The following ADGRG6 variants were observed in gnomAD, a reference collection of about 807,000 sequenced individuals.
The protein encoded by ADGRG6 is adhesion G protein-coupled receptor G6, also known as G-protein coupled receptor 126.
A neutral mutation model predicts 142.4 loss-of-function variants in ADGRG6; 84 were observed. That is an observed-to-expected ratio of 0.59 (90% CI 0.49 to 0.71). The LOEUF (loss-of-function observed/expected upper bound fraction) is 0.71. Ranked by LOEUF, ADGRG6 falls within the 30% of genes least tolerant of loss-of-function variation. ADGRG6 has a pLI of 0.00. For synonymous variants in ADGRG6, 521 were observed against 520.5 expected, an observed-to-expected ratio of 1.00 and a Z score of -0.01; for missense variants, 1,367 against 1,466.6, an observed-to-expected ratio of 0.93 and a Z score of 1.11.
At chr6:142,393,619 T>G (rs1174807100) in intron 8 of ADGRG6, among the ~76,000 whole-genome samples, 1 of 152,192 alleles carries the variant, frequency 6.6e-6, no homozygotes, top group Non-Finnish European at 1.5e-5. Context: ...AATTGTCATA[T>G]AAGTTCAGGA....
At chr6:142,420,507 A>G (rs371807308) in intron 22 of ADGRG6, among the ~76,000 whole-genome samples, 1 of 152,308 alleles carries the variant, frequency 6.6e-6, no homozygotes, top group African/African-American at 2.4e-5. Flanking sequence ...TGTCCCCTGA[A>G]GATTTACCGT....
intron 2 of ADGRG6, among the ~76,000 whole-genome samples, chr6:142,357,430 TA>T (rs1317751144): frequency 6.6e-6 from 1 of 152,164 alleles, no homozygotes; most frequent in Non-Finnish European, 1.5e-5. Context: ...AAACATTATT[TA>T]AAAAAATCTG....
Position 142,443,447 on chromosome 6 carries a change from G to A in ADGRG6, c.3685G>A (p.Ala1229Thr). ...VIDKVKGYCN[A>T]HSDNFYKNII... ...TGATAAGGTCAAGGGTTATTGCAAT[G>A]CTCATTCAGACAACTTCTATAAAAA... Residue 1229 changes from alanine to threonine, a missense_variant, in exon 25 of 25, where the codon GCT becomes ACT. Transcript: ENST00000367609. 1.2e-6 allele frequency: 2 copies of A among 1,611,330 alleles called. No homozygotes were observed. The highest frequency in any genetic ancestry group is 1.7e-6 in the Non-Finnish European group (2 of 1,177,764).
intron 2 of ADGRG6, among the ~76,000 whole-genome samples, chr6:142,328,488 C>T (rs1426302439): frequency 6.6e-6 from 1 of 152,186 alleles, no homozygotes; most frequent in Non-Finnish European, 1.5e-5. Flanking sequence ...AGGTGTGAGC[C>T]ACTGGGCTGA....
At chr6:142,348,698 T>G (rs1031215561) in intron 2 of ADGRG6, among the ~76,000 whole-genome samples, 1 of 152,008 alleles carries the variant, frequency 6.6e-6, no homozygotes, top group African/African-American at 2.4e-5. Flanking sequence ...ATGTTAAATC[T>G]TAATGGGAAT....
At chr6:142,371,279 C>T (rs1225369940) in intron 4 of ADGRG6, among the ~76,000 whole-genome samples, 3 of 151,324 alleles carry the variant, frequency 2.0e-5, no homozygotes, top group Admixed American at 6.6e-5. Flanking sequence ...TCTCATGCCT[C>T]AGCCTCCCAA....
intron 24 of ADGRG6, among the ~76,000 whole-genome samples, chr6:142,440,359 C>T (rs960539376): frequency 4.6e-5 from 7 of 151,918 alleles, no homozygotes; most frequent in East Asian, 1.9e-4. Context: ...GGCACACTCA[C>T]GGTAGAGGCT....
chr6:142,304,695 A>AT (rs1233680627), intron 1 of ADGRG6, among the ~76,000 whole-genome samples: 1 of 152,222 alleles, frequency 6.6e-6, no homozygotes, highest in Non-Finnish European at 1.5e-5. Flanking sequence ...TGATGGGATG[A>AT]TTTTTAATCA....
intron 2 of ADGRG6, among the ~76,000 whole-genome samples, chr6:142,335,909 A>G (rs1779287476): frequency 6.6e-6 from 1 of 152,202 alleles, no homozygotes; most frequent in Admixed American, 6.5e-5. Flanking sequence ...CCCCTGTAGT[A>G]AGAAGTAAGA....
rs771416765 is a variant in ADGRG6, at chr6:142,367,914, T to C, written c.445+4T>C. ...TTCAATGCCAGCTACATCAGAGGTA[T>C]GTAAACCAAAGGCAACGCCAACCTT... On this transcript the variant is annotated splice_donor_region_variant and intron_variant, in intron 3 of 24. Transcript: ENST00000367609. 1 of 1,572,084 alleles carries C rather than the reference T, an allele frequency of 6.4e-7. No homozygotes were observed. The highest frequency in any genetic ancestry group is 1.1e-5 in the South Asian group (1 of 89,754).
chr6:142,363,774 G>T, intron 2 of ADGRG6, among the ~76,000 whole-genome samples: 1 of 152,090 alleles, frequency 6.6e-6, no homozygotes. Context: ...CTAGCTCATA[G>T]TATAGGAATC....
chr6:142,368,029 G>A (rs748169011), intron 3 of ADGRG6, 119 bp downstream of exon 3: 2 of 627,324 alleles, frequency 3.2e-6, no homozygotes, highest in South Asian at 2.0e-5. Context: ...TTAGGATTGG[G>A]ATATAAGGGC....
At chr6:142,388,881 T>C (rs552858515) in intron 6 of ADGRG6, among the ~76,000 whole-genome samples, 35 of 152,132 alleles carry the variant, frequency 2.3e-4, no homozygotes, top group African/African-American at 7.9e-4. Context: ...AATTCTGAAT[T>C]TCCTCCCAAT....
In ADGRG6 at chr6:142,443,804, GA is replaced by G; in HGVS notation, c.*290del. ...GAATCAGAGTAATCATAATGCAGGG[GA>G]GACATTCAAATTAGAGACAAGGGAG... On this transcript the variant is annotated 3_prime_UTR_variant, in exon 25 of 25. Coordinates refer to ENST00000367609, the MANE Select transcript of ADGRG6 (RefSeq NM_198569.3). The G allele has an allele frequency of 4.6e-6, 1 of 217,876 alleles. No individual in the cohort carries two copies. Among genetic ancestry groups the G allele is most frequent in the Non-Finnish European group, 9.0e-6 (1 of 111,580 alleles). The allele number at this position is 217,876 out of a possible 1,614,324, so 13.5% of individuals were successfully genotyped here. A position where few individuals can be genotyped will look rare whatever the true frequency, so the allele number is the denominator to read the frequency against.
intron 22 of ADGRG6, among the ~76,000 whole-genome samples, chr6:142,434,077 CCTAT>C (rs1228847083): frequency 6.6e-6 from 1 of 151,860 alleles, no homozygotes. Flanking sequence ...ACTTCTCTAC[CCTAT>C]CTGATATAAC....
At position 142,383,801 on chromosome 6, in the gene ADGRG6, A is replaced by G. The variant is rs762107477; in HGVS notation, c.1180A>G (p.Thr394Ala). The G allele has an allele frequency of 6.3e-7, 1 of 1,581,698 alleles. No individual in the cohort carries two copies. Among genetic ancestry groups the G allele is most frequent in the Non-Finnish European group, 8.7e-7 (1 of 1,150,958 alleles). ...SPSTTPPTVT[T>A]NMPVTNRIDK... is the part of the protein sequence containing the mutation. The stretch of plus-strand genomic sequence containing the variant: ...TAGTACTACACCACCCACTGTCACC[A>G]CTAACATGCCTGTTACTAACAGAAT... The change falls in exon 6 of 25, where the codon ACT (threonine) becomes GCT (alanine). Residue 394 changes from threonine to alanine, a missense_variant. Physicochemically the swap from Thr to Ala is moderately conservative, Grantham distance 58. Transcript: ENST00000367609.
At chr6:142,330,424 G>A (rs1582991257) in intron 2 of ADGRG6, among the ~76,000 whole-genome samples, 1 of 152,246 alleles carries the variant, frequency 6.6e-6, no homozygotes, top group Middle Eastern at 3.4e-3. Flanking sequence ...AGCCAAACAA[G>A]CTCATGCAAG....
intron 2 of ADGRG6, among the ~76,000 whole-genome samples, chr6:142,324,207 C>T (rs556304899): frequency 1.6e-4 from 24 of 152,186 alleles, no homozygotes; most frequent in Non-Finnish European, 2.9e-4. Context: ...CTGTCTTCCT[C>T]TGCAATCTAG....
chr6:142,365,138 C>T (rs1323612060), intron 2 of ADGRG6, among the ~76,000 whole-genome samples: 1 of 152,186 alleles, frequency 6.6e-6, no homozygotes, highest in Admixed American at 6.5e-5. Flanking sequence ...ACTTCTGTCT[C>T]CTGAGCCCAA....
Sources: gnomAD v4.1 joint callset for allele counts (sites outside exome capture counted in the v4.1 genomes callset) on GRCh38, gnomAD v4.1.1 for gene constraint, MANE v1.5 for transcripts, NCBI Gene and HGNC (gene_info 2026-07-23, HGNC 2026-07-21) for gene names.